Variants in ANKFN1 observed in about 807,000 individuals in gnomAD.
ANKFN1 encodes the protein ankyrin repeat and fibronectin type-III domain-containing protein 1.
A neutral mutation model predicts 108.7 loss-of-function variants in ANKFN1; 74 were observed. The ratio of observed to expected loss-of-function variants is 0.68; its 90% confidence interval spans 0.56 to 0.83. The LOEUF (loss-of-function observed/expected upper bound fraction) is 0.83, where lower values mean the gene tolerates loss of function less well. ANKFN1 is among the 40% of genes least tolerant of loss of function. The pLI is 0.00. For missense variants in ANKFN1, 1,505 were observed against 1,382.3 expected (o/e 1.09, Z -1.41); for synonymous variants, 547 against 516.2 (o/e 1.06, Z -0.81).
upstream of ANKFN1, among the ~76,000 whole-genome samples, chr17:56,153,279 A>G (rs1908776444): frequency 2.6e-5 from 4 of 152,290 alleles, no homozygotes; most frequent in South Asian, 8.3e-4. Context: ...ATTCTTTGAA[A>G]ACGATTTCTT....
chr17:56,313,095 A>G (rs1363611504), intron 3 of ANKFN1, among the ~76,000 whole-genome samples: 2 of 151,546 alleles, frequency 1.3e-5, no homozygotes, highest in Middle Eastern at 3.4e-3. Context: ...CGAGGTTGCA[A>G]TGAGCTGAGA....
chr17:56,080,603 C>T (rs1336051421), intron 4 of ANKFN1, among the ~76,000 whole-genome samples: 1 of 152,192 alleles, frequency 6.6e-6, no homozygotes, highest in Non-Finnish European at 1.5e-5. Flanking sequence ...CCTCCCTATA[C>T]TCCTAAGACT....
intron 3 of ANKFN1, among the ~76,000 whole-genome samples, chr17:56,268,723 G>A (rs185433676): frequency 6.6e-6 from 1 of 151,754 alleles, no homozygotes; most frequent in African/African-American, 2.4e-5. Context: ...AATACATCTT[G>A]TTTCCACAGA....
At chr17:56,227,478 G>A (rs1916367250) in intron 2 of ANKFN1, among the ~76,000 whole-genome samples, 1 of 152,114 alleles carries the variant, frequency 6.6e-6, no homozygotes, top group African/African-American at 2.4e-5. Context: ...ATAATCTTTA[G>A]GAGAAGTTTC....
chr17:56,469,585 C>T (rs921595236), intron 15 of ANKFN1, among the ~76,000 whole-genome samples: 2 of 152,032 alleles, frequency 1.3e-5, no homozygotes, highest in Non-Finnish European at 2.9e-5. Flanking sequence ...GGTGTGAATA[C>T]CGACTCCACC....
At chr17:56,390,715 C>A (rs2047402717) in intron 8 of ANKFN1, among the ~76,000 whole-genome samples, 2 of 152,100 alleles carry the variant, frequency 1.3e-5, no homozygotes, top group Admixed American at 1.3e-4. Context: ...TCTGTTGTTT[C>A]CTGACTTTTT....
intron 3 of ANKFN1, among the ~76,000 whole-genome samples, chr17:56,322,263 T>G (rs1375910826): frequency 1.3e-5 from 2 of 152,116 alleles, no homozygotes; most frequent in East Asian, 1.9e-4. Context: ...AACGTGTCTC[T>G]CTCTCTCATC....
upstream of ANKFN1, among the ~76,000 whole-genome samples, chr17:56,152,632 G>A (rs545170359): frequency 6.6e-6 from 1 of 152,194 alleles, no homozygotes; most frequent in South Asian, 2.1e-4. Context: ...CAGGCAAGTT[G>A]CTGGAAACAA....
At chr17:56,131,984 G>A (rs77853041) in intron 4 of ANKFN1, among the ~76,000 whole-genome samples, 1 of 152,260 alleles carries the variant, frequency 6.6e-6, no homozygotes, top group Non-Finnish European at 1.5e-5. Context: ...GAATCATATG[G>A]ACCCTCAAAT....
At chr17:56,510,442 T>C (rs1189673208) in intron 20 of ANKFN1, 31 bp from the exon 21 acceptor site, 3 of 1,525,870 alleles carry the variant, frequency 2.0e-6, no homozygotes, top group South Asian at 1.2e-5. Flanking sequence ...TAAGACTATA[T>C]TTTTCCTAAC....
rs1204669242 is a variant in ANKFN1, at chr17:56,374,587, TCCTTCTGTC to T, written c.797-11_797-3del. 6.3e-7 allele frequency: 1 copy of T among 1,593,072 alleles called. No individual in the cohort carries two copies. The highest frequency in any genetic ancestry group is 8.6e-7 in the Non-Finnish European group (1 of 1,161,738). ...TGCTATGTTAAGATCCTTGTGTTTT[TCCTTCTGTC>T]CCAGGAGCCCCTGAGATGCCAACCA... On this transcript the variant is annotated splice_polypyrimidine_tract_variant and splice_region_variant and intron_variant, in intron 7 of 20. Coordinates refer to ENST00000682825, the MANE Select transcript of ANKFN1 (RefSeq NM_001370326.1).
At chr17:56,073,293 A>G (rs539040226) in intron 4 of ANKFN1, among the ~76,000 whole-genome samples, 2 of 152,346 alleles carry the variant, frequency 1.3e-5, no homozygotes, top group Non-Finnish European at 1.5e-5. Context: ...CGCCCGGCCT[A>G]TTATTTTCTT....
intron 3 of ANKFN1, among the ~76,000 whole-genome samples, chr17:56,236,808 A>G (rs990139387): frequency 1.2e-4 from 19 of 152,126 alleles, no homozygotes; most frequent in African/African-American, 4.3e-4. Flanking sequence ...AACCTAATAC[A>G]TTGACTATGA....
At chr17:56,212,302 A>C (rs1915077377) in intron 1 of ANKFN1, among the ~76,000 whole-genome samples, 2 of 151,836 alleles carry the variant, frequency 1.3e-5, no homozygotes, top group East Asian at 3.9e-4. Flanking sequence ...ATCACCATGT[A>C]CTTTTTGTTT....
At chr17:56,491,823 C>T (rs977213392) in intron 18 of ANKFN1, among the ~76,000 whole-genome samples, 6 of 152,048 alleles carry the variant, frequency 3.9e-5, no homozygotes, top group African/African-American at 1.4e-4. Flanking sequence ...TGCTACTTGG[C>T]TTTTTTTCTT....
At chr17:56,070,114 C>T (rs1441246082) in intron 4 of ANKFN1, among the ~76,000 whole-genome samples, 1 of 152,168 alleles carries the variant, frequency 6.6e-6, no homozygotes, top group Non-Finnish European at 1.5e-5. Flanking sequence ...TTGTGCCCAC[C>T]TCCTATCTCA....
At chr17:56,262,421 A>T (rs978054410) in intron 3 of ANKFN1, among the ~76,000 whole-genome samples, 1 of 152,228 alleles carries the variant, frequency 6.6e-6, no homozygotes, top group African/African-American at 2.4e-5. Flanking sequence ...TAAAGGGATT[A>T]AGAGAAATTT....
intron 6 of ANKFN1, among the ~76,000 whole-genome samples, chr17:56,356,633 C>T (rs1370130440): frequency 1.3e-5 from 2 of 152,124 alleles, no homozygotes. Flanking sequence ...CAAAGTGCTG[C>T]CCCTTTTTAG....
At chr17:56,199,059 T>G (rs994149964) in intron 1 of ANKFN1, among the ~76,000 whole-genome samples, 1 of 152,180 alleles carries the variant, frequency 6.6e-6, no homozygotes, top group Non-Finnish European at 1.5e-5. Context: ...TTTGAGAAAA[T>G]TTATGTCTTT....
Sources: gnomAD v4.1 joint callset for allele counts (sites outside exome capture counted in the v4.1 genomes callset) on GRCh38, gnomAD v4.1.1 for gene constraint, MANE v1.5 for transcripts, NCBI Gene and HGNC (gene_info 2026-07-23, HGNC 2026-07-21) for gene names.